STAB2: variants seen among roughly 807,000 people sequenced by gnomAD.
The protein encoded by STAB2 is stabilin 2.
In STAB2, 288 loss-of-function variants were observed where a neutral mutation model predicts 338.1. That is an observed-to-expected ratio of 0.85 (90% CI 0.77 to 0.94). The LOEUF (loss-of-function observed/expected upper bound fraction) is 0.94, where lower values mean the gene tolerates loss of function less well. Among genes scored for constraint, STAB2 ranks in the 40% least tolerant of loss-of-function variants. The probability of loss-of-function intolerance (pLI) is 0.00; values close to 1 mark genes in which losing one functional copy is unlikely to be tolerated. For synonymous variants in STAB2, 1,202 were observed against 1,193.3 expected (o/e 1.01, Z -0.15); for missense variants, 3,141 against 3,210.1 (o/e 0.98, Z 0.52).
chr12:103,703,306 G>C (rs759712262), intron 35 of STAB2, 30 bp downstream of exon 35: 2 of 1,602,620 alleles, frequency 1.2e-6, no homozygotes, highest in Non-Finnish European at 1.7e-6. Context: ...GCCAGTGATG[G>C]AACTAATGAA....
At chr12:103,730,554 T>A (rs1029306377) in intron 49 of STAB2, among the ~76,000 whole-genome samples, 1 of 152,172 alleles carries the variant, frequency 6.6e-6, no homozygotes, top group Non-Finnish European at 1.5e-5. Context: ...TCCTTCTAAA[T>A]TGACAGAAAA....
chr12:103,700,552 T>TTG (rs1437471703), intron 34 of STAB2, among the ~76,000 whole-genome samples: 1 of 152,226 alleles, frequency 6.6e-6, no homozygotes, highest in African/African-American at 2.4e-5. Flanking sequence ...AGTCTACCTA[T>TTG]TGTGTAATAA....
At chr12:103,683,852 G>A (rs779462039) in intron 26 of STAB2, among the ~76,000 whole-genome samples, 5 of 152,270 alleles carry the variant, frequency 3.3e-5, no homozygotes, top group East Asian at 1.9e-4. Context: ...TCAAAAGAAC[G>A]CTAAGCACCA....
At position 103,706,779 on chromosome 12, in the gene STAB2, CCTT is replaced by C; in HGVS notation, c.3997-10_3997-8del. 1 of 1,614,212 alleles carries C rather than the reference CCTT, an allele frequency of 6.2e-7. No homozygotes were observed. The highest frequency in any genetic ancestry group is 8.5e-7 in the Non-Finnish European group (1 of 1,180,028). ...ATAGAAGTGCGTTGTCAAGCTTTGT[CCTT>C]CTGTTTCAGACGAGAGAATGCTGTG... On this transcript the variant is annotated splice_polypyrimidine_tract_variant and intron_variant, in intron 37 of 68. Transcript: ENST00000388887.
chr12:103,620,588 T>G (rs1417475255), intron 4 of STAB2, 35 bp downstream of exon 4: 1 of 1,532,842 alleles, frequency 6.5e-7, no homozygotes, highest in East Asian at 2.5e-5. Context: ...TTTCCTGGTT[T>G]CTGCTCCCCA....
At chr12:103,761,982 A>G (rs1884573009) in intron 66 of STAB2, among the ~76,000 whole-genome samples, 1 of 152,176 alleles carries the variant, frequency 6.6e-6, no homozygotes. Context: ...ACTGGGTTCA[A>G]AGCCCACTTC....
chr12:103,592,986 G>A (rs1397444967), intron 2 of STAB2, among the ~76,000 whole-genome samples: 1 of 152,124 alleles, frequency 6.6e-6, no homozygotes, highest in Non-Finnish European at 1.5e-5. Context: ...GTTGTCGCAA[G>A]TTACAAGATT....
rs1486540382 is a variant in STAB2 at position 103,758,252 on chromosome 12, T to A, written c.7070T>A (p.Leu2357His). ...ACTGACCTGTCCATCCGCGGCACCC[T>A]CTTTGTGCCACAGAACAGTGGGCTG... is the stretch of plus-strand genomic sequence containing the variant. ...HLTDLSIRGT[L>H]FVPQNSGLGE... is the part of the protein sequence containing the mutation. The change falls in exon 64 of 69, where the codon CTC becomes CAC. Residue 2357 changes from leucine (L) to histidine (H), a missense_variant. Coordinates refer to ENST00000388887, the MANE Select transcript of STAB2 (RefSeq NM_017564.10). 1 of 1,614,084 alleles carries A rather than the reference T, an allele frequency of 6.2e-7. No homozygotes were observed. The highest frequency in any genetic ancestry group is 1.3e-5 in the African/African-American group (1 of 75,064).
chr12:103,674,926 A>G (rs17034362), intron 23 of STAB2, among the ~76,000 whole-genome samples: 3,795 of 152,298 alleles, frequency 0.025, 186 homozygotes, highest in African/African-American at 0.087. Context: ...TAGGATCTAT[A>G]TCGGTGCATA....
Position 103,689,938 on chromosome 12 carries a change from G to A in STAB2, c.3138G>A (p.Glu1046=), listed in dbSNP as rs141408343. The A allele has an allele frequency of 6.7e-5, 108 of 1,614,044 alleles. 1 individual carries two copies. The African/African-American group carries it at 1.1e-3, about 16-fold the overall frequency. The part of the protein sequence containing the change: ...QQATEDMDQD[E]KSFWLSQSNI... The stretch of plus-strand genomic sequence containing the variant: ...CTACTGAGGACATGGACCAGGATGA[G>A]AAAAGCTTCTGGTTGTCACAGAGCA... The change falls in exon 29 of 69, where the codon GAG becomes GAA. Residue 1046 remains glutamate (E), a synonymous_variant. Coordinates refer to ENST00000388887, the MANE Select transcript of STAB2 (RefSeq NM_017564.10).
chr12:103,649,789 T>C lies in STAB2; in HGVS notation c.1175-707T>C, dbSNP rs1873601845. ...CAATCTACCAGTTTCCTCACAGCCTTACTCTAAGAACTCTTAGAATACCAA... is the reference window on the plus strand; with the variant it reads ...CAATCTACCAGTTTCCTCACAGCCTCACTCTAAGAACTCTTAGAATACCAA... On this transcript the variant is annotated intron_variant, in intron 10 of 68. Coordinates refer to ENST00000388887, the MANE Select transcript of STAB2 (RefSeq NM_017564.10). Among the ~76,000 whole-genome samples the C allele has an allele frequency of 2.0e-5, 3 of 152,140 alleles. No homozygotes were observed. In the South Asian group the frequency reaches 6.2e-4, roughly 32 times the overall value.
intron 19 of STAB2, among the ~76,000 whole-genome samples, chr12:103,667,104 T>G (rs1027286506): frequency 1.3e-5 from 2 of 152,218 alleles, no homozygotes; most frequent in African/African-American, 4.8e-5. Flanking sequence ...CAATGAGAAG[T>G]GGCATTAAAC....
chr12:103,746,674 G>A lies in STAB2; in HGVS notation c.6214G>A (p.Asp2072Asn). ...KENNTCECNL[D>N]YEGDGITCTV... ...GAACAACACGTGTGAGTGTAACCTG[G>A]ATTATGAAGGTGACGGAATCACATG... The change falls in exon 58 of 69, where the codon GAT becomes AAT. Residue 2072 changes from aspartate to asparagine, a missense_variant. Asp to Asn is a conservative substitution (Grantham distance 23, BLOSUM62 1). Coordinates refer to ENST00000388887, the MANE Select transcript of STAB2 (RefSeq NM_017564.10). The A allele has an allele frequency of 6.2e-7, 1 of 1,614,054 alleles. No individual in the cohort carries two copies. Among genetic ancestry groups the A allele is most frequent in the South Asian group, 1.1e-5 (1 of 91,074 alleles).
chr12:103,648,817 C>T lies in STAB2; in HGVS notation c.1168C>T (p.Leu390Phe), dbSNP rs1272816548. The T allele has an allele frequency of 1.9e-6, 3 of 1,613,688 alleles. No homozygotes were observed. Among genetic ancestry groups the T allele is most frequent in the Admixed American group, 3.3e-5 (2 of 59,974 alleles). Residue 390 changes from leucine (L) to phenylalanine (F), a missense_variant, in exon 10 of 69, where the codon CTC becomes TTC. Physicochemically the swap from Leu to Phe is conservative, Grantham distance 22. Coordinates refer to ENST00000388887, the MANE Select transcript of STAB2 (RefSeq NM_017564.10). ...WQGRLTSFIS[L>F]LDKAYAWPLS... ...AGGAAGGCTGACCTCTTTCATCTCA[C>T]TCCTAGGTACGCAGCTATGGGTACA...
chr12:103,619,513 C>A (rs1957263714), intron 3 of STAB2, among the ~76,000 whole-genome samples: 1 of 152,040 alleles, frequency 6.6e-6, no homozygotes, highest in South Asian at 2.1e-4. Context: ...TAAATGTCCC[C>A]CTGCCCCACC....
rs10558320 is a variant in STAB2, at chr12:103,737,574, TTCTCTCTC to T, written c.5551-40_5551-33del. The T allele has an allele frequency of 2.1e-3, 2,144 of 1,016,992 alleles. 46 individuals are homozygous for T. The highest frequency in any genetic ancestry group is 0.018 in the South Asian group (1,051 of 56,952). The allele number at this position is 1,016,992 out of a possible 1,614,324, so 63.0% of individuals were successfully genotyped here. On this transcript the variant is annotated intron_variant, in intron 52 of 68. Transcript: ENST00000388887. ...GAGATGTGTGAAAGAGATTGACTGT[TTCTCTCTC>T]TCTCTCTCTCTCTCTCTCTTTCTCT... is the stretch of plus-strand genomic sequence containing the variant.
chr12:103,757,782 T>G lies in STAB2; in HGVS notation c.6988-388T>G. 1.3e-5 allele frequency: 3 copies of G among 227,686 alleles called. No individual in the cohort carries two copies. The South Asian group carries it at 2.2e-4, about 17-fold the overall frequency. The allele number at this position is 227,686 out of a possible 1,614,324, so 14.1% of individuals were successfully genotyped here. Reference sequence around the variant, plus strand: ...TGAGCAAGAGAGGACAAGCTAGGCCTGGGGTCAGAGATGCAACAGCAGCCA... The same window carrying G: ...TGAGCAAGAGAGGACAAGCTAGGCCGGGGGTCAGAGATGCAACAGCAGCCA... On this transcript the variant is annotated intron_variant, in intron 63 of 68. Coordinates refer to ENST00000388887, the MANE Select transcript of STAB2 (RefSeq NM_017564.10).
intron 35 of STAB2, 70 bp from the exon 36 acceptor site, chr12:103,704,488 C>A: frequency 6.7e-7 from 1 of 1,497,446 alleles, no homozygotes; most frequent in African/African-American, 1.4e-5. Context: ...CCTTCATTTC[C>A]AAGTTCTGGA....
At position 103,638,180 on chromosome 12, in the gene STAB2, T is replaced by A; in HGVS notation, c.874T>A (p.Ser292Thr). ...QINFGNCPTK[S>T]TVCKYDGPGQ... ...TAACTTTGGAAACTGCCCTACAAAG[T>A]CTACAGTGTGCAAATATGATGGGCC... The change falls in exon 8 of 69, where the codon TCT (serine) becomes ACT (threonine). Residue 292 changes from serine (S) to threonine (T), a missense_variant. Ser to Thr is a moderately conservative substitution (Grantham distance 58). Transcript: ENST00000388887. 1 of 1,614,164 alleles carries A rather than the reference T, an allele frequency of 6.2e-7. No homozygotes were observed. The highest frequency in any genetic ancestry group is 8.5e-7 in the Non-Finnish European group (1 of 1,180,024).
Sources: allele counts gnomAD v4.1 joint callset (sites outside exome capture counted in the v4.1 genomes callset), GRCh38; gene constraint gnomAD v4.1.1; transcripts MANE v1.5; gene names NCBI Gene and HGNC (gene_info 2026-07-23, HGNC 2026-07-21).